C12orf42: variants seen among roughly 807,000 people sequenced by gnomAD.
The protein encoded by C12orf42 is chromosome 12 open reading frame 42.
C12orf42 carries 25 observed loss-of-function variants against 21.6 expected under a neutral mutation model. That is an observed-to-expected ratio of 1.16 (90% CI 0.84 to 1.62). The LOEUF is 1.62. Among genes scored for constraint, C12orf42 ranks in the 40% most tolerant of loss-of-function variants. C12orf42 has a pLI of 0.00. For synonymous variants in C12orf42, 174 were observed against 175.0 expected (o/e 0.99, Z 0.05); for missense variants, 483 against 459.3 (o/e 1.05, Z -0.47).
At chr12:103,155,776 TA>T in the C12orf42 span, among the ~76,000 whole-genome samples, 3 of 149,508 alleles carry the variant, frequency 2.0e-5, no homozygotes, top group Non-Finnish European at 4.4e-5. Flanking sequence ...TATATATACA[TA>T]TAGTAAAAAT....
Position 103,495,703 on chromosome 12 carries a change from C to G in C12orf42, c.-22+199G>C, listed in dbSNP as rs1210384678. ...GAGAGCTCCTTGGCCCCCCACCCCC[C>G]TGCCCCGAGACGGGTCGACCCGCTC... On this transcript the variant is annotated intron_variant, in intron 1 of 5. Coordinates refer to ENST00000548883, the MANE Select transcript of C12orf42 (RefSeq NM_198521.5). 3 of 152,262 alleles carry G rather than the reference C, an allele frequency of 2.0e-5. No homozygotes were observed. In the East Asian group the frequency reaches 5.9e-4, roughly 30 times the overall value. 9.4% of individuals were successfully genotyped at this position (152,262 alleles called of 1,614,324 possible). A position where few individuals can be genotyped will look rare whatever the true frequency, so the allele number is the denominator to read the frequency against.
the C12orf42 span, among the ~76,000 whole-genome samples, chr12:103,225,915 T>C: frequency 6.6e-6 from 1 of 152,172 alleles, no homozygotes; most frequent in East Asian, 1.9e-4. Flanking sequence ...TCTAAGGGGC[T>C]TCCTAGGCGA....
intron 2 of C12orf42, among the ~76,000 whole-genome samples, chr12:103,436,430 T>C (rs1057261962): frequency 2.0e-5 from 3 of 152,040 alleles, no homozygotes; most frequent in Admixed American, 2.0e-4. Flanking sequence ...ATGGACTAAA[T>C]GCTCCAATTA....
chr12:103,523,432 A>G, the C12orf42 span, among the ~76,000 whole-genome samples: 1 of 151,982 alleles, frequency 6.6e-6, no homozygotes, highest in African/African-American at 2.4e-5. Flanking sequence ...TCTGCAAATT[A>G]CATTAACATT....
At chr12:103,473,805 T>C (rs780807746) in intron 2 of C12orf42, among the ~76,000 whole-genome samples, 6 of 152,324 alleles carry the variant, frequency 3.9e-5, no homozygotes, top group Non-Finnish European at 7.4e-5. Context: ...TTTCTTTGTA[T>C]AATTATCTTT....
At chr12:103,264,891 G>T (rs1369151748), downstream of C12orf42, among the ~76,000 whole-genome samples, 1 of 151,892 alleles carries the variant, frequency 6.6e-6, no homozygotes, top group Non-Finnish European at 1.5e-5. Context: ...TATGAGAATG[G>T]CCCCAAGCAA....
At chr12:103,352,708 T>A (rs918142734) in intron 4 of C12orf42, among the ~76,000 whole-genome samples, 2 of 152,138 alleles carry the variant, frequency 1.3e-5, no homozygotes, top group African/African-American at 4.8e-5. Context: ...AATAGCAGCA[T>A]GGGTTACAGT....
At chr12:103,328,890 T>C (rs1014336623) in intron 4 of C12orf42, among the ~76,000 whole-genome samples, 11 of 152,240 alleles carry the variant, frequency 7.2e-5, no homozygotes, top group African/African-American at 2.4e-4. Context: ...TGAACATTTC[T>C]GAATTTAAAA....
the C12orf42 span, among the ~76,000 whole-genome samples, chr12:103,546,221 T>TC: frequency 6.6e-6 from 1 of 152,194 alleles, no homozygotes; most frequent in Non-Finnish European, 1.5e-5. Context: ...ATGTAATGAT[T>TC]CAATACTAAC....
intron 4 of C12orf42, among the ~76,000 whole-genome samples, chr12:103,320,736 GA>G (rs369604573): frequency 0.018 from 2,643 of 148,604 alleles, 99 homozygotes; most frequent in African/African-American, 0.06. Flanking sequence ...TAAGAGATTT[GA>G]AAAAAAAAAT....
chr12:103,281,930 A>C (rs2036155392), intron 4 of C12orf42, among the ~76,000 whole-genome samples: 1 of 149,182 alleles, frequency 6.7e-6, no homozygotes, highest in Non-Finnish European at 1.5e-5. Context: ...AAAGAAAGAA[A>C]GAAAGAAAGA....
downstream of C12orf42, among the ~76,000 whole-genome samples, chr12:103,236,552 A>G (rs1368356229): frequency 6.6e-6 from 1 of 152,226 alleles, no homozygotes; most frequent in Non-Finnish European, 1.5e-5. Flanking sequence ...CAATTAAAAC[A>G]GCAGTGGGTG....
At chr12:103,318,685 T>C (rs1357559764) in intron 4 of C12orf42, among the ~76,000 whole-genome samples, 1 of 152,184 alleles carries the variant, frequency 6.6e-6, no homozygotes, top group Admixed American at 6.5e-5. Context: ...TCAGTCCCTT[T>C]CCTTTCTCCT....
At chr12:103,212,366 G>A in the C12orf42 span, among the ~76,000 whole-genome samples, 11 of 152,194 alleles carry the variant, frequency 7.2e-5, no homozygotes, top group Middle Eastern at 6.8e-3. Context: ...TTTTCATTTA[G>A]ATGTTTTCCT....
intron 10 of C12orf42, among the ~76,000 whole-genome samples, chr12:103,244,114 T>C (rs1041250613): frequency 5.9e-5 from 9 of 152,152 alleles, no homozygotes; most frequent in African/African-American, 2.2e-4. Flanking sequence ...TTTATATGTC[T>C]CATTTCCAGT....
At chr12:103,437,410 A>G (rs1414904740) in intron 2 of C12orf42, among the ~76,000 whole-genome samples, 6 of 151,744 alleles carry the variant, frequency 4.0e-5, no homozygotes, top group Non-Finnish European at 7.4e-5. Context: ...AAATCAGAGC[A>G]GAACTGAAGG....
intron 2 of C12orf42, among the ~76,000 whole-genome samples, chr12:103,451,372 G>GCGCACCACCA (rs1951930392): frequency 2.0e-4 from 1 of 4,900 alleles, no homozygotes; most frequent in Non-Finnish European, 5.5e-4. Context: ...GACCACAAGT[G>GCGCACCACCA]TGCCCACCTA....
the C12orf42 span, chr12:103,081,083 C>T: frequency 6.6e-6 from 1 of 152,136 alleles, no homozygotes; most frequent in Admixed American, 6.6e-5. Context: ...TGGTAAATGC[C>T]TTACTAAGTC....
chr12:103,175,081 A>C, the C12orf42 span, among the ~76,000 whole-genome samples: 48 of 152,304 alleles, frequency 3.2e-4, no homozygotes, highest in African/African-American at 1.1e-3. Context: ...TCAAAATGCA[A>C]GGATATTATA....
Sources: gnomAD v4.1 joint callset for allele counts (sites outside exome capture counted in the v4.1 genomes callset) on GRCh38, gnomAD v4.1.1 for gene constraint, MANE v1.5 for transcripts, NCBI Gene and HGNC (gene_info 2026-07-23, HGNC 2026-07-21) for gene names.